Variants in DMXL2 observed in about 807,000 individuals in gnomAD.
The protein encoded by DMXL2 is Dmx like 2.
A neutral mutation model predicts 331.1 loss-of-function variants in DMXL2; 103 were observed. The observed-to-expected ratio is 0.31, with a 90% CI of 0.27 to 0.37. DMXL2 has a LOEUF of 0.37. Ranked by LOEUF, DMXL2 falls within the 10% of genes least tolerant of loss-of-function variation. The pLI, the probability that DMXL2 is intolerant of heterozygous loss-of-function variation, is 1.00. For missense variants in DMXL2, 3,171 were observed against 3,642.9 expected, an observed-to-expected ratio of 0.87 and a Z score of 3.33; for synonymous variants, 1,281 against 1,252.1, an observed-to-expected ratio of 1.02 and a Z score of -0.49.
In DMXL2 at chr15:51,481,091, T is replaced by C; in HGVS notation, c.6015A>G (p.Glu2005=). The change falls in exon 24 of 44, where the codon GAA becomes GAG. Residue 2005 remains glutamate, a synonymous_variant. Transcript: ENST00000560891. ...GLVMKSTDAR[E]KDKQSDQKAS... ...CCTTCTGATCTGATTGTTTATCTTT[T>C]TCCCTGGCATCTGTACTTTTCATCA... 1.2e-6 allele frequency: 2 copies of C among 1,613,592 alleles called. No individual in the cohort carries two copies. Among genetic ancestry groups the C allele is most frequent in the Non-Finnish European group, 1.7e-6 (2 of 1,179,608 alleles).
intron 32 of DMXL2, 87 bp from the exon 33 acceptor site, chr15:51,463,583 A>C (rs1595902427): frequency 3.9e-6 from 3 of 760,964 alleles, no homozygotes; most frequent in Non-Finnish European, 6.2e-6. Flanking sequence ...AAACCTTCAC[A>C]ATCTATTGCA....
rs779688970 is a variant in DMXL2 at position 51,449,086 on chromosome 15, G to A, written c.9075C>T (p.Ile3025=). Residue 3025 remains isoleucine, a synonymous_variant, in exon 44 of 44, where the codon ATC becomes ATT. Coordinates refer to ENST00000560891, the MANE Select transcript of DMXL2 (RefSeq NM_001378457.1). ...IGAGVMQIDI[I]QGNRLFSCGA... ...CACAGGAGAAGAGCCGATTGCCCTG[G>A]ATGATGTCAATCTGCATGACTCCAG... 1.2e-6 allele frequency: 2 copies of A among 1,614,188 alleles called. No homozygotes were observed. Among genetic ancestry groups the A allele is most frequent in the South Asian group, 2.2e-5 (2 of 91,086 alleles).
chr15:51,455,272 A>G (rs2030455527), intron 39 of DMXL2, 44 bp from the exon 40 acceptor site: 1 of 1,488,846 alleles, frequency 6.7e-7, no homozygotes. Context: ...CTTAGCATCC[A>G]CAGCAAAGGT....
At chr15:51,503,426 C>A (rs1043800952) in intron 16 of DMXL2, among the ~76,000 whole-genome samples, 4 of 152,118 alleles carry the variant, frequency 2.6e-5, no homozygotes, top group African/African-American at 9.7e-5. Flanking sequence ...TGCAGCAACA[C>A]AGTTGGAAAT....
chr15:51,459,154 C>T (rs1003651319), intron 34 of DMXL2: 8 of 209,026 alleles, frequency 3.8e-5, no homozygotes, highest in Non-Finnish European at 7.9e-5. Context: ...TTAAGAGGCA[C>T]AGAGTGGAGT....
chr15:51,488,200 C>A, intron 21 of DMXL2, 81 bp from the exon 22 acceptor site: 1 of 1,261,368 alleles, frequency 7.9e-7, no homozygotes, highest in South Asian at 1.8e-5. Flanking sequence ...AAAATAAAAA[C>A]CTCAAACAGA....
intron 1 of DMXL2, among the ~76,000 whole-genome samples, chr15:51,596,055 C>T (rs1275204507): frequency 5.3e-5 from 8 of 152,108 alleles, no homozygotes; most frequent in Admixed American, 5.2e-4. Context: ...GCAACAAAAG[C>T]CAAAATTGAC....
chr15:51,616,530 T>C (rs1161369062), intron 1 of DMXL2, among the ~76,000 whole-genome samples: 1 of 152,222 alleles, frequency 6.6e-6, no homozygotes, highest in East Asian at 1.9e-4. Context: ...AGTTACATCA[T>C]GGATCAGGGT....
chr15:51,547,553 ATTACT>A (rs752781326), intron 6 of DMXL2, 145 bp from the exon 7 acceptor site: 174 of 508,002 alleles, frequency 3.4e-4, no homozygotes, highest in Middle Eastern at 5.1e-4. Context: ...TCAAAATTAC[ATTACT>A]TTAAAGAAAA....
Position 51,536,703 on chromosome 15 carries a change from G to C in DMXL2, c.1777C>G (p.Gln593Glu), listed in dbSNP as rs1426996688. Residue 593 changes from glutamine (Q) to glutamate (E), a missense_variant, in exon 12 of 44, where the codon CAG becomes GAG. Around this residue, in one of 7 missense-constraint regions of DMXL2, gnomAD observed 1,674 missense variants for 1,780.2 expected, o/e 0.94. Transcript: ENST00000560891. ...GMSVGSPHGS[Q>E]PHSRSHSTHM... Reference sequence around the variant, plus strand: ...GTACTGTGGGATCTAGAGTGTGGCTGTGATCCGTGAGGACTGCCTACAGAC... The same window carrying C: ...GTACTGTGGGATCTAGAGTGTGGCTCTGATCCGTGAGGACTGCCTACAGAC... 1 of 1,614,080 alleles carries C rather than the reference G, an allele frequency of 6.2e-7. No homozygotes were observed.
intron 32 of DMXL2, among the ~76,000 whole-genome samples, chr15:51,463,768 C>G (rs1234425077): frequency 6.6e-6 from 1 of 151,854 alleles, no homozygotes; most frequent in Non-Finnish European, 1.5e-5. Flanking sequence ...AAATGAATCT[C>G]TTATTATTCT....
intron 41 of DMXL2, 123 bp downstream of exon 41, chr15:51,453,427 G>A (rs2039334921): frequency 3.1e-6 from 2 of 650,114 alleles, no homozygotes; most frequent in Non-Finnish European, 4.9e-6. Context: ...TAAGAATTAT[G>A]TAACAAAGTT....
At chr15:51,453,662 C>T in intron 40 of DMXL2, 21 bp from the exon 41 acceptor site, 1 of 1,600,024 alleles carries the variant, frequency 6.2e-7, no homozygotes, top group Non-Finnish European at 8.6e-7. Context: ...CAAAGTGCAA[C>T]TGATGTTATT....
chr15:51,512,718 A>T (rs2046828333), intron 15 of DMXL2, among the ~76,000 whole-genome samples: 1 of 151,588 alleles, frequency 6.6e-6, no homozygotes, highest in Non-Finnish European at 1.5e-5. Flanking sequence ...CGGGAGGCTG[A>T]GGCAGGAGAA....
At chr15:51,476,194 G>A (rs543738232) in intron 27 of DMXL2, among the ~76,000 whole-genome samples, 9 of 152,110 alleles carry the variant, frequency 5.9e-5, no homozygotes, top group Non-Finnish European at 1.2e-4. Context: ...CCACAGAATA[G>A]TCACTCCTAC....
At chr15:51,591,988 A>G (rs967273290) in intron 1 of DMXL2, among the ~76,000 whole-genome samples, 1 of 152,220 alleles carries the variant, frequency 6.6e-6, no homozygotes, top group Non-Finnish European at 1.5e-5. Context: ...GAAAAACTGG[A>G]AACTCTAAAA....
At chr15:51,592,997 T>C (rs28866855) in intron 1 of DMXL2, among the ~76,000 whole-genome samples, 72,948 of 151,980 alleles carry the variant, frequency 0.48, 17,865 homozygotes, top group Non-Finnish European at 0.52. Flanking sequence ...TAAGAAGACA[T>C]TGCATCAACT....
At chr15:51,581,277 T>C (rs367640872) in intron 1 of DMXL2, among the ~76,000 whole-genome samples, 1 of 152,174 alleles carries the variant, frequency 6.6e-6, no homozygotes, top group Non-Finnish European at 1.5e-5. Flanking sequence ...AATCTAATGA[T>C]AAACATAATG....
intron 13 of DMXL2, among the ~76,000 whole-genome samples, chr15:51,528,263 C>A (rs964959520): frequency 1.3e-5 from 2 of 152,040 alleles, no homozygotes; most frequent in African/African-American, 4.8e-5. Flanking sequence ...GGACTAAATT[C>A]TCCAATCAAA....
Sources: allele counts gnomAD v4.1 joint callset (sites outside exome capture counted in the v4.1 genomes callset), GRCh38; gene constraint gnomAD v4.1.1; regional missense constraint gnomAD v4.1.1; transcripts MANE v1.5; gene names NCBI Gene and HGNC (gene_info 2026-07-23, HGNC 2026-07-21).